Variants in CHD8 observed in about 807,000 individuals in gnomAD.
CHD8 encodes ATP-dependent chromatin remodeler CHD8.
Under a neutral mutation model 279.2 loss-of-function variants are expected in CHD8, and 31 were observed. The ratio of observed to expected loss-of-function variants is 0.11; its 90% CI spans 0.08 to 0.15. CHD8 has a LOEUF of 0.15. CHD8 is among the 10% of genes least tolerant of loss of function. CHD8 has a pLI of 1.00. For missense variants in CHD8, 2,146 were observed against 3,230.5 expected, an observed-to-expected ratio of 0.66 and a Z score of 8.14; for synonymous variants, 1,081 against 1,139.6, an observed-to-expected ratio of 0.95 and a Z score of 1.04.
intron 1 of CHD8, among the ~76,000 whole-genome samples, chr14:21,453,798 T>G (rs937566675): frequency 3.9e-5 from 6 of 151,942 alleles, no homozygotes; most frequent in Non-Finnish European, 7.3e-5. Flanking sequence ...CTTTCACATA[T>G]GAGAATATCA....
chr14:21,427,937 C>T lies in CHD8; in HGVS notation c.1533G>A (p.Leu511=). 1.2e-6 allele frequency: 2 copies of T among 1,614,082 alleles called. No homozygotes were observed. Among genetic ancestry groups the T allele is most frequent in the Non-Finnish European group, 1.7e-6 (2 of 1,179,900 alleles). The change falls in exon 4 of 38, where the codon CTG becomes CTA. Residue 511 remains leucine (L), a synonymous_variant. Coordinates refer to ENST00000646647, the MANE Select transcript of CHD8 (RefSeq NM_001170629.2). ...KRRKKSAGER[L]KEEKPKKSKT... The stretch of plus-strand genomic sequence containing the variant: ...TACTCTTCTTTGGCTTCTCCTCTTT[C>T]AGCCTCTCCCCAGCACTCTTCTTCC...
chr14:21,392,733 C>A lies in CHD8; in HGVS notation c.6545G>T (p.Ser2182Ile). 1 of 1,614,010 alleles carries A rather than the reference C, an allele frequency of 6.2e-7. No individual in the cohort carries two copies. Among genetic ancestry groups the A allele is most frequent in the Non-Finnish European group, 8.5e-7 (1 of 1,179,894 alleles). The change falls in exon 34 of 38, where the codon AGC becomes ATC. Residue 2182 changes from serine to isoleucine, a missense_variant. This residue lies in a region of CHD8 where 513 missense variants were observed against 637.6 expected (regional missense o/e 0.80). Transcript: ENST00000646647. Reference protein sequence around the residue: ...LSGKWPSSRRSQEMVTGGILG... With the variant: ...LSGKWPSSRRIQEMVTGGILG... ...AATTCCTCCTGTTACCATTTCCTGG[C>A]TCCTACGGCTAGAAGGCCACTTCCC...
At chr14:21,426,442 A>AT in intron 4 of CHD8, 200 bp from the exon 5 acceptor site, 3 of 517,286 alleles carry the variant, frequency 5.8e-6, no homozygotes, top group South Asian at 2.8e-5. Context: ...ACTGACCCTT[A>AT]TACCATATTT....
At chr14:21,409,347 A>C (rs8016740) in intron 11 of CHD8, among the ~76,000 whole-genome samples, 6,209 of 152,268 alleles carry the variant, frequency 0.041, 423 homozygotes, top group African/African-American at 0.14. Flanking sequence ...CTTCATGAGA[A>C]AATTATAACG....
rs1555313193 is a variant in CHD8 at position 21,393,249 on chromosome 14, G to C, written c.6325C>G (p.Gln2109Glu). 6.2e-7 allele frequency: 1 copy of C among 1,613,938 alleles called. No homozygotes were observed. Among genetic ancestry groups the C allele is most frequent in the Non-Finnish European group, 8.5e-7 (1 of 1,179,872 alleles). ...EDEKEEKLTD[Q>E]SRSKLYDEES... ...TCATCATAGAGCTTTGAGCGGGACT[G>C]GTCAGCTGGTAAGAGAGCCCATAGA... Residue 2109 changes from glutamine to glutamate, a missense_variant, in exon 33 of 38, where the codon CAG (glutamine) becomes GAG (glutamate). Gln to Glu is a conservative substitution (Grantham distance 29). Transcript: ENST00000646647.
At chr14:21,427,097 G>C (rs1889352028) in intron 4 of CHD8, 1 of 152,280 alleles carries the variant, frequency 6.6e-6, no homozygotes, top group African/African-American at 2.4e-5. Context: ...GCTAATTTCA[G>C]TTTTCCATTT....
At position 21,394,959 on chromosome 14, in the gene CHD8, T is replaced by C; in HGVS notation, c.5343A>G (p.Glu1781=). 1 of 1,614,048 alleles carries C rather than the reference T, an allele frequency of 6.2e-7. No homozygotes were observed. Among genetic ancestry groups the C allele is most frequent in the Non-Finnish European group, 8.5e-7 (1 of 1,179,900 alleles). ...ERGDRRRRRC[E]AAFKLKEIAR... is the part of the protein sequence containing the mutation. ...CAATTTCTTTCAGCTTGAAGGCTGC[T>C]TCACAACGCCGCCTTCGCCGGTCCC... The change falls in exon 30 of 38, where the codon GAA becomes GAG. Residue 1781 remains glutamate, a synonymous_variant. Transcript: ENST00000646647.
In CHD8 at chr14:21,405,034, G is replaced by A; in HGVS notation, c.3307+175C>T. On this transcript the variant is annotated intron_variant, in intron 16 of 37. Transcript: ENST00000646647. This position sits in a 1 kb window ranked among gnomAD's most constrained non-coding sequence, Gnocchi z 4.2. The stretch of plus-strand genomic sequence containing the variant: ...TTTTGTAGAGGTGGGATTTCATCAT[G>A]TTGCCCAGGCTTAGAGTCTCTTTTT... The A allele has an allele frequency of 1.6e-6, 1 of 621,422 alleles. No homozygotes were observed. Among genetic ancestry groups the A allele is most frequent in the Non-Finnish European group, 2.7e-6 (1 of 364,388 alleles). The allele number at this position is 621,422 out of a possible 1,614,324, so 38.5% of individuals were successfully genotyped here. A position where few individuals can be genotyped will look rare whatever the true frequency, so the allele number is the denominator to read the frequency against.
chr14:21,446,803 C>T (rs1392846140), intron 1 of CHD8, among the ~76,000 whole-genome samples: 1 of 152,218 alleles, frequency 6.6e-6, no homozygotes, highest in Non-Finnish European at 1.5e-5. Flanking sequence ...CTCTAGGTTA[C>T]ATGCCCCATT....
At chr14:21,423,897 C>G (rs1379591440) in intron 5 of CHD8, among the ~76,000 whole-genome samples, 1 of 152,194 alleles carries the variant, frequency 6.6e-6, no homozygotes, top group Non-Finnish European at 1.5e-5. Context: ...GGCTAAGAAA[C>G]TCGCTCAGAG....
In CHD8 at chr14:21,402,059, A is replaced by G; in HGVS notation, c.3960T>C (p.Asp1320=). The G allele has an allele frequency of 6.2e-7, 1 of 1,613,740 alleles. No homozygotes were observed. The highest frequency in any genetic ancestry group is 8.5e-7 in the Non-Finnish European group (1 of 1,179,758). Residue 1320 remains aspartate (D), a synonymous_variant, in exon 20 of 38, where the codon GAT becomes GAC. Coordinates refer to ENST00000646647, the MANE Select transcript of CHD8 (RefSeq NM_001170629.2). The surrounding 1 kb of genome is among the most constrained non-coding windows in gnomAD (Gnocchi z 4.5). The part of the protein sequence containing the change: ...GAYAAIMEED[D]EGSKFCEEDI... ...CCTCTTCACAAAACTTGGAGCCTTC[A>G]TCATCTTCCTCCATGATGGCTGCAT...
intron 1 of CHD8, among the ~76,000 whole-genome samples, chr14:21,439,882 T>G (rs1329838164): frequency 6.6e-6 from 1 of 152,236 alleles, no homozygotes; most frequent in Non-Finnish European, 1.5e-5. Flanking sequence ...CATCTTTAAT[T>G]TCTTTCTTTG....
chr14:21,401,334 G>A (rs1888026703), intron 21 of CHD8, 69 bp downstream of exon 21: 1 of 911,500 alleles, frequency 1.1e-6, no homozygotes, highest in Non-Finnish European at 1.7e-6. Flanking sequence ...AATAATCAGA[G>A]TAGCTGTAAA....
At chr14:21,435,469 T>C (rs1889744294) in intron 1 of CHD8, among the ~76,000 whole-genome samples, 1 of 152,234 alleles carries the variant, frequency 6.6e-6, no homozygotes, top group African/African-American at 2.4e-5. Context: ...TTTGGAAATC[T>C]AGAGTCCCAA....
chr14:21,435,603 C>A (rs1024853243), intron 1 of CHD8, among the ~76,000 whole-genome samples: 2 of 152,194 alleles, frequency 1.3e-5, no homozygotes, highest in Admixed American at 1.3e-4. Flanking sequence ...TCTCTCCATA[C>A]CTTTCAACAA....
At chr14:21,395,684 T>C in intron 28 of CHD8, 133 bp downstream of exon 28, 1 of 676,044 alleles carries the variant, frequency 1.5e-6, no homozygotes, top group Non-Finnish European at 2.6e-6. Flanking sequence ...ATATTTTCTA[T>C]TCTCAAATGG....
intron 26 of CHD8, chr14:21,399,279 A>C (rs1396410192): frequency 6.3e-6 from 2 of 318,236 alleles, no homozygotes; most frequent in Non-Finnish European, 1.2e-5. Flanking sequence ...ATTATTAACA[A>C]TAGTTGGGGT....
At chr14:21,387,571 T>A (rs1454268209) in intron 37 of CHD8, among the ~76,000 whole-genome samples, 1 of 147,506 alleles carries the variant, frequency 6.8e-6, no homozygotes, top group Non-Finnish European at 1.5e-5. Flanking sequence ...GAGGCGGAGA[T>A]CGCGGTGAGC....
intron 10 of CHD8, 142 bp from the exon 11 acceptor site, chr14:21,410,130 C>T (rs1025185205): frequency 1.6e-5 from 11 of 677,934 alleles, no homozygotes; most frequent in Non-Finnish European, 2.5e-5. Flanking sequence ...AACACATCGA[C>T]CAAAAGTTCA....
Sources: gnomAD v4.1 joint callset for allele counts (sites outside exome capture counted in the v4.1 genomes callset) on GRCh38, gnomAD v4.1.1 for gene constraint, gnomAD v4.1.1 regional missense constraint, Gnocchi (gnomAD v3.1) non-coding constraint, MANE v1.5 for transcripts, NCBI Gene and HGNC (gene_info 2026-07-23, HGNC 2026-07-21) for gene names.